GPR89B: variants seen among roughly 807,000 people sequenced by gnomAD.
GPR89B encodes G protein-coupled receptor 89B.
A neutral mutation model predicts 52.4 loss-of-function variants in GPR89B; 25 were observed. That is an observed-to-expected ratio of 0.48 (90% CI 0.35 to 0.67). GPR89B has a LOEUF of 0.67. Ranked by LOEUF, GPR89B falls within the 30% of genes least tolerant of loss-of-function variation. GPR89B has a pLI of 0.01. For synonymous variants in GPR89B, 52 were observed against 151.2 expected, an observed-to-expected ratio of 0.34 and a Z score of 4.81; for missense variants, 146 against 450.2, an observed-to-expected ratio of 0.32 and a Z score of 6.11.
At chr1:147,988,294 C>G (rs1658810216) in intron 11 of GPR89B, 138 bp from the exon 12 acceptor site, 13 of 997,600 alleles carry the variant, frequency 1.3e-5, no homozygotes, top group Non-Finnish European at 2.0e-5. Flanking sequence ...TTGCTTTCCT[C>G]TCTCCCTTAA....
At chr1:147,939,299 A>G (rs1229481257) in intron 3 of GPR89B, among the ~76,000 whole-genome samples, 1 of 151,058 alleles carries the variant, frequency 6.6e-6, no homozygotes, top group African/African-American at 2.4e-5. Context: ...TTGAATTTAA[A>G]GTGTTTCTTA....
chr1:147,983,947 A>C (rs1320890722), intron 10 of GPR89B, among the ~76,000 whole-genome samples: 1 of 152,060 alleles, frequency 6.6e-6, no homozygotes, highest in Non-Finnish European at 1.5e-5. Flanking sequence ...ACAATGATAG[A>C]CTGGATTCAG....
At chr1:147,987,885 C>T (rs1331209202) in intron 11 of GPR89B, among the ~76,000 whole-genome samples, 1 of 150,994 alleles carries the variant, frequency 6.6e-6, no homozygotes, top group Non-Finnish European at 1.5e-5. Context: ...TATTCTTTTA[C>T]TATAAAAAGA....
At chr1:147,970,537 C>CTCTCTA (rs1657374481) in intron 10 of GPR89B, among the ~76,000 whole-genome samples, 229 of 130,304 alleles carry the variant, frequency 1.8e-3, no homozygotes, top group African/African-American at 6.9e-3. Context: ...CTCTCTCTAT[C>CTCTCTA]TCTATCTCTC....
chr1:147,930,915 C>T (rs1653534028), intron 1 of GPR89B, among the ~76,000 whole-genome samples: 1 of 152,182 alleles, frequency 6.6e-6, no homozygotes, highest in Admixed American at 6.5e-5. Flanking sequence ...TCATATCCCT[C>T]CCCTTTAAGC....
At chr1:147,985,135 T>C (rs1441642729) in intron 10 of GPR89B, among the ~76,000 whole-genome samples, 25 of 152,340 alleles carry the variant, frequency 1.6e-4, no homozygotes, top group Admixed American at 7.8e-4. Flanking sequence ...ATTTTGAAGC[T>C]CTGTCATTAG....
intron 10 of GPR89B, among the ~76,000 whole-genome samples, chr1:147,980,133 G>A (rs1292370505): frequency 6.8e-6 from 1 of 146,886 alleles, no homozygotes; most frequent in Non-Finnish European, 1.5e-5. Context: ...TTGGACTATA[G>A]TTTTCTTTTC....
intron 10 of GPR89B, among the ~76,000 whole-genome samples, chr1:147,984,334 AAAAT>A (rs1369392394): frequency 6.7e-6 from 1 of 149,444 alleles, no homozygotes; most frequent in African/African-American, 2.5e-5. Flanking sequence ...TAATAATAAT[AAAAT>A]AAAATAAAAA....
intron 12 of GPR89B, among the ~76,000 whole-genome samples, chr1:147,990,913 G>T (rs1357304569): frequency 6.6e-6 from 1 of 151,742 alleles, no homozygotes; most frequent in Non-Finnish European, 1.5e-5. Context: ...TTTGGCTTAG[G>T]ATTGACTTGG....
Position 147,968,967 on chromosome 1 carries a change from C to T in GPR89B, c.816+4C>T, listed in dbSNP as rs1327472408. On this transcript the variant is annotated splice_donor_region_variant and intron_variant, in intron 9 of 13. Transcript: ENST00000314163. ...AGCTGATCTATATGCTACCAAGGTA[C>T]AGAGCAAGGAAACTGAAGTGTGGTT... is the stretch of plus-strand genomic sequence containing the variant. 3.9e-5 allele frequency: 62 copies of T among 1,596,050 alleles called. No individual in the cohort carries two copies. In the Middle Eastern group the frequency reaches 5.0e-4, roughly 13 times the overall value.
chr1:147,968,702 G>T (rs1329482027), intron 8 of GPR89B, 173 bp from the exon 9 acceptor site: 1 of 844,150 alleles, frequency 1.2e-6, no homozygotes, highest in South Asian at 1.6e-5. Flanking sequence ...ACACACCTGC[G>T]TCAGAGGTTG....
At chr1:148,015,293 A>ATCCCTC in the GPR89B span, among the ~76,000 whole-genome samples, 2 of 69,888 alleles carry the variant, frequency 2.9e-5, no homozygotes, top group African/African-American at 1.3e-4. Context: ...GGATTCTAGG[A>ATCCCTC]TCTCTCTCTC....
At chr1:147,989,767 T>G (rs1269241238) in intron 12 of GPR89B, among the ~76,000 whole-genome samples, 1 of 152,214 alleles carries the variant, frequency 6.6e-6, no homozygotes, top group Non-Finnish European at 1.5e-5. Flanking sequence ...GAACTCATCT[T>G]TTTTTATGGC....
intron 10 of GPR89B, among the ~76,000 whole-genome samples, chr1:147,980,085 CAA>C (rs1359509482): frequency 1.8e-5 from 2 of 114,216 alleles, no homozygotes; most frequent in Non-Finnish European, 1.9e-5. Flanking sequence ...GACTCTGTCT[CAA>C]AAAAAAAAAA....
At chr1:147,949,627 C>G (rs1293242695) in intron 5 of GPR89B, among the ~76,000 whole-genome samples, 2 of 134,234 alleles carry the variant, frequency 1.5e-5, no homozygotes, top group African/African-American at 6.0e-5. Flanking sequence ...GGGGGGCTGA[C>G]CCCCCCACCT....
At chr1:148,002,870 A>G in the GPR89B span, among the ~76,000 whole-genome samples, 2 of 152,136 alleles carry the variant, frequency 1.3e-5, no homozygotes, top group Non-Finnish European at 2.9e-5. Flanking sequence ...AGCTCTGTCT[A>G]CTTTCCCAAA....
the GPR89B span, among the ~76,000 whole-genome samples, chr1:147,999,625 C>G: frequency 3.3e-5 from 5 of 150,120 alleles, no homozygotes; most frequent in African/African-American, 1.2e-4. Context: ...TGTGCTCCTT[C>G]TTACATGTAA....
At chr1:148,006,661 AT>A in the GPR89B span, among the ~76,000 whole-genome samples, 2 of 151,588 alleles carry the variant, frequency 1.3e-5, no homozygotes, top group African/African-American at 4.9e-5. Context: ...AGCATACAGT[AT>A]TTTTTCTTTC....
intron 12 of GPR89B, among the ~76,000 whole-genome samples, chr1:147,989,886 A>C (rs1355220691): frequency 2.6e-5 from 4 of 152,178 alleles, no homozygotes; most frequent in Non-Finnish European, 5.9e-5. Flanking sequence ...GAGTATGTGA[A>C]TAGTGAATAG....
Sources: allele counts gnomAD v4.1 joint callset (sites outside exome capture counted in the v4.1 genomes callset), GRCh38; gene constraint gnomAD v4.1.1; transcripts MANE v1.5; gene names NCBI Gene and HGNC (gene_info 2026-07-23, HGNC 2026-07-21).